The following PREX1 variants were observed in gnomAD, a reference collection of about 807,000 sequenced individuals.
PREX1 encodes the protein phosphatidylinositol-3,4,5-trisphosphate dependent Rac exchange factor 1.
In PREX1, 41 loss-of-function variants were observed where a neutral mutation model predicts 198.3. That is an observed-to-expected ratio of 0.21 (90% confidence interval 0.16 to 0.27). The LOEUF is 0.27. Among genes scored for constraint, PREX1 ranks in the 10% least tolerant of loss-of-function variants. The pLI, the probability that PREX1 is intolerant of heterozygous loss-of-function variation, is 1.00. For synonymous variants in PREX1, 843 were observed against 887.2 expected (o/e 0.95, Z 0.89); for missense variants, 1,620 against 2,200.7 (o/e 0.74, Z 5.28).
chr20:48,710,547 G>A (rs994427991), intron 5 of PREX1, among the ~76,000 whole-genome samples: 123 of 152,322 alleles, frequency 8.1e-4, no homozygotes, highest in African/African-American at 2.4e-3. Context: ...AGGTCAGACC[G>A]TTTGTCCAAG....
chr20:48,832,151 AGTG>A (rs2090538552), upstream of PREX1, among the ~76,000 whole-genome samples: 1 of 151,794 alleles, frequency 6.6e-6, no homozygotes, highest in African/African-American at 2.4e-5. Context: ...AGAAAAAAAA[AGTG>A]ATGATAATGA....
At chr20:48,885,350 A>G in the PREX1 span, among the ~76,000 whole-genome samples, 1 of 152,222 alleles carries the variant, frequency 6.6e-6, no homozygotes, top group African/African-American at 2.4e-5. Flanking sequence ...TGAATGGATG[A>G]AGAAAATATG....
At position 48,769,963 on chromosome 20, in the gene PREX1, C is replaced by T. The variant is rs1426371677; in HGVS notation, c.220-22083G>A. Among the ~76,000 whole-genome samples the T allele has an allele frequency of 2.0e-5, 3 of 152,296 alleles. No homozygotes were observed. In the East Asian group the frequency reaches 5.8e-4, roughly 29 times the overall value. On this transcript the variant is annotated intron_variant, in intron 1 of 39. Coordinates refer to ENST00000371941, the MANE Select transcript of PREX1 (RefSeq NM_020820.4). Reference sequence around the variant, plus strand: ...TGTGCACTGCGGCAGCCTGGACACTCAGTACACAGCAGGTGCTCCATAAAT... The same window carrying T: ...TGTGCACTGCGGCAGCCTGGACACTTAGTACACAGCAGGTGCTCCATAAAT...
At chr20:48,788,060 A>G (rs927959476) in intron 1 of PREX1, among the ~76,000 whole-genome samples, 1 of 152,148 alleles carries the variant, frequency 6.6e-6, no homozygotes, top group African/African-American at 2.4e-5. Flanking sequence ...CCAGCCCTAG[A>G]GCGGGGGACC....
At chr20:48,787,100 G>A (rs971265085) in intron 1 of PREX1, among the ~76,000 whole-genome samples, 1 of 152,128 alleles carries the variant, frequency 6.6e-6, no homozygotes, top group African/African-American at 2.4e-5. Flanking sequence ...AAGGCTGCGA[G>A]AAGCGGGCTG....
At chr20:48,869,024 G>A in the PREX1 span, among the ~76,000 whole-genome samples, 5 of 151,932 alleles carry the variant, frequency 3.3e-5, no homozygotes, top group Non-Finnish European at 5.9e-5. Flanking sequence ...CTACAGGCAC[G>A]TGCCACCATG....
At chr20:48,670,731 CCT>C (rs2089669944) in intron 14 of PREX1, among the ~76,000 whole-genome samples, 3 of 152,314 alleles carry the variant, frequency 2.0e-5, no homozygotes, top group Admixed American at 6.5e-5. Context: ...CTCTGACACC[CCT>C]GAGAGGTGGT....
chr20:48,661,092 A>G (rs1319662784), intron 15 of PREX1, among the ~76,000 whole-genome samples: 4 of 152,142 alleles, frequency 2.6e-5, no homozygotes, highest in Non-Finnish European at 5.9e-5. Context: ...CACAAAGCCT[A>G]AATTGTTACT....
At chr20:48,630,041 C>T (rs909568022) in intron 36 of PREX1, among the ~76,000 whole-genome samples, 10 of 152,176 alleles carry the variant, frequency 6.6e-5, no homozygotes, top group African/African-American at 2.2e-4. Context: ...GGTTCACTAA[C>T]GAGCTGTGCT....
At chr20:48,822,873 A>G (rs2123082423) in intron 1 of PREX1, among the ~76,000 whole-genome samples, 1 of 152,214 alleles carries the variant, frequency 6.6e-6, no homozygotes, top group Middle Eastern at 3.4e-3. Flanking sequence ...AAATCCCCCC[A>G]AGTTACTGGG....
the PREX1 span, among the ~76,000 whole-genome samples, chr20:48,839,622 C>G: frequency 6.6e-6 from 1 of 152,162 alleles, no homozygotes; most frequent in South Asian, 2.1e-4. Context: ...CTACCTGGTC[C>G]ATGCTTGTGC....
chr20:48,669,787 C>A (rs1247840157), intron 14 of PREX1, among the ~76,000 whole-genome samples: 1 of 152,162 alleles, frequency 6.6e-6, no homozygotes, highest in Non-Finnish European at 1.5e-5. Context: ...TAAATGTTAG[C>A]TGTTCCTGAT....
chr20:48,646,501 G>A (rs1819634294), intron 25 of PREX1, among the ~76,000 whole-genome samples: 1 of 152,088 alleles, frequency 6.6e-6, no homozygotes, highest in African/African-American at 2.4e-5. Flanking sequence ...TGGCCAACAT[G>A]GCCAACATGG....
chr20:48,780,774 G>A (rs1050900517), intron 1 of PREX1, among the ~76,000 whole-genome samples: 1 of 152,092 alleles, frequency 6.6e-6, no homozygotes, highest in Non-Finnish European at 1.5e-5. Flanking sequence ...TAAAACTAGT[G>A]GGCAAAGGTT....
At position 48,632,673 on chromosome 20, in the gene PREX1, C is replaced by G. The variant is rs755792863; in HGVS notation, c.4268-34G>C. ...GGATATGGGGCAGGATGACTCACCA[C>G]CGAGGCCAAGGCCAGGGGAAGCCCT... On this transcript the variant is annotated intron_variant, in intron 33 of 39. Coordinates refer to ENST00000371941, the MANE Select transcript of PREX1 (RefSeq NM_020820.4). 3 of 1,611,558 alleles carry G rather than the reference C, an allele frequency of 1.9e-6. No individual in the cohort carries two copies. In the East Asian group the frequency reaches 6.7e-5, roughly 36 times the overall value.
chr20:48,722,081 G>T (rs1216836200), intron 5 of PREX1, among the ~76,000 whole-genome samples: 6 of 152,178 alleles, frequency 3.9e-5, no homozygotes, highest in African/African-American at 1.2e-4. Context: ...GGGTCTAGGG[G>T]AGAGGTCCGG....
intron 7 of PREX1, among the ~76,000 whole-genome samples, chr20:48,699,725 C>A (rs1412488279): frequency 1.3e-5 from 2 of 152,180 alleles, no homozygotes; most frequent in African/African-American, 4.8e-5. Context: ...CCCAGCCTTC[C>A]ATCCATCTAT....
At chr20:48,759,524 T>C (rs894384559) in intron 1 of PREX1, among the ~76,000 whole-genome samples, 3 of 119,408 alleles carry the variant, frequency 2.5e-5, no homozygotes, top group African/African-American at 9.8e-5. Flanking sequence ...CACTCCAGCC[T>C]GGGTAACAGA....
chr20:48,703,649 C>T (rs185688476), intron 6 of PREX1, among the ~76,000 whole-genome samples: 2 of 152,282 alleles, frequency 1.3e-5, no homozygotes, highest in African/African-American at 4.8e-5. Context: ...AATCTGGTAC[C>T]TGGCCCAGCT....
Sources: allele counts gnomAD v4.1 joint callset (sites outside exome capture counted in the v4.1 genomes callset), GRCh38; gene constraint gnomAD v4.1.1; transcripts MANE v1.5; gene names NCBI Gene and HGNC (gene_info 2026-07-23, HGNC 2026-07-21).